The following PARP4 variants were observed in gnomAD, a reference collection of about 807,000 sequenced individuals.
PARP4 encodes protein mono-ADP-ribosyltransferase PARP4.
A neutral mutation model predicts 187.7 loss-of-function variants in PARP4; 120 were observed. The ratio of observed to expected loss-of-function variants is 0.64; its 90% CI spans 0.55 to 0.74. The LOEUF (loss-of-function observed/expected upper bound fraction) is 0.74. Ranked by LOEUF, PARP4 falls within the 30% of genes least tolerant of loss-of-function variation. PARP4 has a pLI of 0.00. For missense variants in PARP4, 1,836 were observed against 2,070.5 expected (o/e 0.89, Z 2.20); for synonymous variants, 654 against 740.9 (o/e 0.88, Z 1.90).
rs766616566 is a variant in PARP4, at chr13:24,434,456, A to G, written c.4685T>C (p.Val1562Ala). 2 of 1,608,342 alleles carry G rather than the reference A, an allele frequency of 1.2e-6. No homozygotes were observed. Among genetic ancestry groups the G allele is most frequent in the Non-Finnish European group, 1.7e-6 (2 of 1,176,088 alleles). The change falls in exon 31 of 34, where the codon GTG (valine) becomes GCG (alanine). Residue 1562 changes from valine (V) to alanine (A), a missense_variant. Coordinates refer to ENST00000381989, the MANE Select transcript of PARP4 (RefSeq NM_006437.4). Reference sequence around the variant, plus strand: ...AGCATCCTGCCAGTGTTGTATGCACACTATTTCATCCTCTTCTTTTACTTC... The same window carrying G: ...AGCATCCTGCCAGTGTTGTATGCACGCTATTTCATCCTCTTCTTTTACTTC... Reference protein sequence around the residue: ...FLEVKEEDEIVCIQHWQDAVP... With the variant: ...FLEVKEEDEIACIQHWQDAVP...
In PARP4 at chr13:24,460,075, G is replaced by C. The variant is rs1428569805; in HGVS notation, c.2195C>G (p.Thr732Ser). The C allele has an allele frequency of 6.2e-7, 1 of 1,613,994 alleles. No individual in the cohort carries two copies. The highest frequency in any genetic ancestry group is 8.5e-7 in the Non-Finnish European group (1 of 1,179,908). Residue 732 changes from threonine to serine, a missense_variant, in exon 18 of 34, where the codon ACC becomes AGC. Physicochemically the swap from Thr to Ser is moderately conservative, Grantham distance 58. This residue lies in a region of PARP4 where 1,147 missense variants were observed against 1,214.2 expected (regional missense o/e 0.94). Transcript: ENST00000381989. ...PPKAKVLIKI[T>S]YITELSILGT... ...CAGGATGCTGAGTTCTGTGATGTAG[G>C]TAATTTTTATAAGAACCTTAGCCTT...
chr13:24,439,296 C>T (rs1253366078), intron 30 of PARP4, among the ~76,000 whole-genome samples: 1 of 148,780 alleles, frequency 6.7e-6, no homozygotes, highest in Non-Finnish European at 1.5e-5. Flanking sequence ...CACTGCACTC[C>T]AGCCTGGGCA....
intron 32 of PARP4, among the ~76,000 whole-genome samples, chr13:24,428,411 A>C (rs1300637975): frequency 6.6e-6 from 1 of 152,228 alleles, no homozygotes; most frequent in African/African-American, 2.4e-5. Flanking sequence ...CAGGCTTTAA[A>C]TACTACTAAC....
intron 11 of PARP4, among the ~76,000 whole-genome samples, chr13:24,485,935 C>T (rs1307664808): frequency 6.6e-6 from 1 of 152,178 alleles, no homozygotes; most frequent in African/African-American, 2.4e-5. Flanking sequence ...CCTTCTGCCT[C>T]AGCCTCCCAA....
chr13:24,503,548 CT>C, intron 2 of PARP4, 96 bp downstream of exon 2: 1 of 1,405,744 alleles, frequency 7.1e-7, no homozygotes, highest in Non-Finnish European at 1.0e-6. Context: ...CACTCACTCT[CT>C]CCTGCTGCTA....
intron 5 of PARP4, 152 bp from the exon 6 acceptor site, chr13:24,498,381 C>A: frequency 3.4e-6 from 2 of 580,862 alleles, no homozygotes; most frequent in Non-Finnish European, 6.1e-6. Context: ...ATTAAAATCT[C>A]CTAAAATCCC....
At chr13:24,452,689 G>A (rs1871589794) in intron 23 of PARP4, 96 bp from the exon 24 acceptor site, 2 of 884,398 alleles carry the variant, frequency 2.3e-6, no homozygotes, top group South Asian at 1.8e-5. Flanking sequence ...GTAGGGATAT[G>A]GTGACACCGA....
At chr13:24,459,905 C>G in intron 18 of PARP4, 67 bp downstream of exon 18, 2 of 1,376,416 alleles carry the variant, frequency 1.5e-6, no homozygotes, top group Non-Finnish European at 1.0e-6. Flanking sequence ...ATAAATTCCT[C>G]CACAGCCCTC....
At chr13:24,439,744 A>C (rs1026393884) in intron 30 of PARP4, among the ~76,000 whole-genome samples, 2 of 152,174 alleles carry the variant, frequency 1.3e-5, no homozygotes, top group African/African-American at 2.4e-5. Flanking sequence ...AGTCTCAAGG[A>C]CAAACAGTTG....
At chr13:24,472,902 T>G (rs1319734856) in intron 15 of PARP4, among the ~76,000 whole-genome samples, 4 of 150,244 alleles carry the variant, frequency 2.7e-5, no homozygotes, top group African/African-American at 4.9e-5. Context: ...TTTTTTTTTT[T>G]TTTTTTTTTT....
At chr13:24,502,965 C>T (rs757726418) in intron 2 of PARP4, among the ~76,000 whole-genome samples, 2 of 152,198 alleles carry the variant, frequency 1.3e-5, no homozygotes, top group African/African-American at 4.8e-5. Context: ...CTCATCAATT[C>T]GTCAACAGAG....
At chr13:24,430,684 C>T (rs1297186985) in intron 32 of PARP4, among the ~76,000 whole-genome samples, 1 of 152,094 alleles carries the variant, frequency 6.6e-6, no homozygotes, top group African/African-American at 2.4e-5. Flanking sequence ...AGCTCCTGTC[C>T]TAGGGCTAGC....
chr13:24,454,772 G>A (rs1160167652), intron 22 of PARP4, among the ~76,000 whole-genome samples: 1 of 152,092 alleles, frequency 6.6e-6, no homozygotes, highest in African/African-American at 2.4e-5. Flanking sequence ...TCCTCAGATC[G>A]CAGATGAGGA....
intron 5 of PARP4, among the ~76,000 whole-genome samples, chr13:24,498,921 T>C (rs1869114212): frequency 6.6e-6 from 1 of 152,224 alleles, no homozygotes; most frequent in Non-Finnish European, 1.5e-5. Context: ...TGTTTAAAAT[T>C]TTTGCTATGA....
At chr13:24,434,266 C>CT in intron 31 of PARP4, 129 bp downstream of exon 31, 2 of 618,244 alleles carry the variant, frequency 3.2e-6, no homozygotes, top group Non-Finnish European at 4.6e-6. Flanking sequence ...ATGATTTATA[C>CT]CCAGTGTACA....
chr13:24,454,812 G>A (rs986056733), intron 22 of PARP4, among the ~76,000 whole-genome samples: 5 of 152,118 alleles, frequency 3.3e-5, no homozygotes, highest in East Asian at 3.9e-4. Flanking sequence ...CAAGTAGTGC[G>A]CCCAAGGTGA....
At chr13:24,511,257 G>C (rs1870006027) in intron 1 of PARP4, among the ~76,000 whole-genome samples, 1 of 152,076 alleles carries the variant, frequency 6.6e-6, no homozygotes. Context: ...GCCCTCTTCT[G>C]GGTTAACAGC....
At position 24,447,058 on chromosome 13, in the gene PARP4, A is replaced by G. The variant is rs758151553; in HGVS notation, c.3243T>C (p.Asn1081=). ...APAQVPSLFL[N]DRLLVYGFIP... is the part of the protein sequence containing the mutation. ...TGAATCCATAGACAAGGAGTCGATC[A>G]TTGAGAAACAAGGACGGCACCTGGG... is the stretch of plus-strand genomic sequence containing the variant. The change falls in exon 26 of 34, where the codon AAT becomes AAC. Residue 1081 remains asparagine (N), a synonymous_variant. Transcript: ENST00000381989. The G allele has an allele frequency of 5.6e-6, 9 of 1,606,548 alleles. No homozygotes were observed. Among genetic ancestry groups the G allele is most frequent in the Admixed American group, 5.2e-5 (3 of 57,840 alleles).
At position 24,501,763 on chromosome 13, in the gene PARP4, G is replaced by A. The variant is rs772211405; in HGVS notation, c.204C>T (p.His68=). ...TAAAATCTGGGTTTGCAATATGAAC[G>A]TGGTTCTTTTGGATAGAATTCAGTT... The part of the protein sequence containing the change: ...QYQLNSIQKN[H]VHIANPDFIW... Residue 68 remains histidine (H), a synonymous_variant, in exon 3 of 34, where the codon CAC becomes CAT. Transcript: ENST00000381989. 1.1e-5 allele frequency: 17 copies of A among 1,611,916 alleles called. No individual in the cohort carries two copies. The highest frequency in any genetic ancestry group is 1.4e-5 in the Non-Finnish European group (16 of 1,178,056).
Sources: allele counts gnomAD v4.1 joint callset (sites outside exome capture counted in the v4.1 genomes callset), GRCh38; gene constraint gnomAD v4.1.1; regional missense constraint gnomAD v4.1.1; transcripts MANE v1.5; gene names NCBI Gene and HGNC (gene_info 2026-07-23, HGNC 2026-07-21).